EML4: variants seen among roughly 807,000 people sequenced by gnomAD.
The protein encoded by EML4 is echinoderm microtubule-associated protein-like 4.
Under a neutral mutation model 129.0 loss-of-function variants are expected in EML4, and 72 were observed. That is an observed-to-expected ratio of 0.56 (90% CI 0.46 to 0.68). The LOEUF (loss-of-function observed/expected upper bound fraction) is 0.68, where lower values mean the gene tolerates loss of function less well. Among genes scored for constraint, EML4 ranks in the 30% least tolerant of loss-of-function variants. The pLI is 0.00. For missense variants in EML4, 1,363 were observed against 1,190.6 expected, an observed-to-expected ratio of 1.14 and a Z score of -2.13; for synonymous variants, 532 against 405.0, an observed-to-expected ratio of 1.31 and a Z score of -3.77.
In EML4 at chr2:42,331,753, CCAAGGACATTTA is replaced by C. The variant is rs1412175073; in HGVS notation, c.*1550_*1561del. On this transcript the variant is annotated 3_prime_UTR_variant, in exon 23 of 23. Transcript: ENST00000318522. ...GTAATATGAAAACTCCAGTGAACTCCCAAGGACATTTACAACATTTATATTCACACGCTGTAT... is the reference window on the plus strand; with the variant it reads ...GTAATATGAAAACTCCAGTGAACTCCCAACATTTATATTCACACGCTGTAT... The C allele has an allele frequency of 4.5e-6, 1 of 221,050 alleles. No homozygotes were observed. Among genetic ancestry groups the C allele is most frequent in the Non-Finnish European group, 9.1e-6 (1 of 110,206 alleles). The allele number at this position is 221,050 out of a possible 1,614,324, so 13.7% of individuals were successfully genotyped here.
intron 1 of EML4, among the ~76,000 whole-genome samples, chr2:42,200,533 C>T (rs980681318): frequency 6.6e-6 from 1 of 152,092 alleles, no homozygotes; most frequent in East Asian, 1.9e-4. Context: ...ATGCTGATTT[C>T]TTATTTGCTG....
chr2:42,306,411 A>C lies in EML4; in HGVS notation c.1967+1860A>C, dbSNP rs75804632. On this transcript the variant is annotated intron_variant, in intron 17 of 22. Coordinates refer to ENST00000318522, the MANE Select transcript of EML4 (RefSeq NM_019063.5). ...TTTTGGCAGCTAAACAGATATCACA[A>C]ATGCTAAAGTCCTTGAAATAATAAA... Among the ~76,000 whole-genome samples the C allele has an allele frequency of 9.8e-4, 149 of 152,092 alleles. 2 individuals carry two copies. The East Asian group carries it at 0.024, about 25-fold the overall frequency.
intron 1 of EML4, among the ~76,000 whole-genome samples, chr2:42,196,504 C>T (rs1405936560): frequency 2.6e-5 from 4 of 152,148 alleles, no homozygotes; most frequent in Non-Finnish European, 4.4e-5. Flanking sequence ...AATTGAGAGT[C>T]AGCTGCAATC....
intron 9 of EML4, among the ~76,000 whole-genome samples, chr2:42,285,090 A>AAT (rs35105121): frequency 2.0e-5 from 3 of 151,698 alleles, no homozygotes; most frequent in African/African-American, 7.3e-5. Context: ...TTAATTAATT[A>AAT]TAGGGGTGGA....
At chr2:42,216,536 C>T (rs544475022) in intron 1 of EML4, among the ~76,000 whole-genome samples, 14 of 152,072 alleles carry the variant, frequency 9.2e-5, no homozygotes, top group South Asian at 6.2e-4. Flanking sequence ...CCACCAGGCC[C>T]GGCCCATTTC....
At position 42,245,621 on chromosome 2, in the gene EML4, G is replaced by A. The variant is rs199938681; in HGVS notation, c.142G>A (p.Val48Ile). The part of the protein sequence containing the change: ...ITVLKAALAD[V>I]LRRLAISEDH... ...TGTGCTAAAGGCGGCTTTGGCTGATGTTTTGAGGCGTCTTGCAATCTCTGA... is the reference window on the plus strand; with the variant it reads ...TGTGCTAAAGGCGGCTTTGGCTGATATTTTGAGGCGTCTTGCAATCTCTGA... Residue 48 changes from valine to isoleucine, a missense_variant, in exon 2 of 23, where the codon GTT becomes ATT. Coordinates refer to ENST00000318522, the MANE Select transcript of EML4 (RefSeq NM_019063.5). 1.7e-5 allele frequency: 28 copies of A among 1,613,758 alleles called. No homozygotes were observed. The highest frequency in any genetic ancestry group is 1.3e-4 in the East Asian group (6 of 44,842).
intron 1 of EML4, among the ~76,000 whole-genome samples, chr2:42,228,701 A>G (rs1485045753): frequency 6.6e-6 from 1 of 152,148 alleles, no homozygotes. Context: ...AAATTGACTG[A>G]CTTTCTGTGA....
At chr2:42,275,824 A>G (rs967811024) in intron 6 of EML4, among the ~76,000 whole-genome samples, 3 of 152,106 alleles carry the variant, frequency 2.0e-5, no homozygotes, top group African/African-American at 7.2e-5. Context: ...TGAATACCTC[A>G]TACTGTGTTT....
intron 13 of EML4, among the ~76,000 whole-genome samples, chr2:42,298,410 T>A (rs1398041703): frequency 6.6e-6 from 1 of 152,172 alleles, no homozygotes; most frequent in Non-Finnish European, 1.5e-5. Context: ...TTTTTTTAAT[T>A]CAAGGATAAT....
At chr2:42,268,702 C>T (rs556502685) in intron 6 of EML4, among the ~76,000 whole-genome samples, 29 of 152,250 alleles carry the variant, frequency 1.9e-4, no homozygotes, top group South Asian at 6.2e-4. Flanking sequence ...CCTCCCAAAG[C>T]GTTAGGATTA....
At chr2:42,234,312 G>A (rs1366184746) in intron 1 of EML4, among the ~76,000 whole-genome samples, 1 of 152,216 alleles carries the variant, frequency 6.6e-6, no homozygotes, top group Non-Finnish European at 1.5e-5. Context: ...AGAGAGCTGA[G>A]ATTTGCTTTG....
chr2:42,217,191 T>C (rs1182446519), intron 1 of EML4, among the ~76,000 whole-genome samples: 1 of 152,212 alleles, frequency 6.6e-6, no homozygotes, highest in Admixed American at 6.5e-5. Context: ...CATATGTATA[T>C]TTACTATGAA....
intron 19 of EML4, among the ~76,000 whole-genome samples, chr2:42,320,822 G>A (rs1669479240): frequency 6.6e-6 from 1 of 152,008 alleles, no homozygotes. Context: ...GTTACTCGAA[G>A]ATCTTAGCCC....
intron 1 of EML4, among the ~76,000 whole-genome samples, chr2:42,211,986 A>C (rs888898222): frequency 6.6e-6 from 1 of 152,146 alleles, no homozygotes; most frequent in Non-Finnish European, 1.5e-5. Flanking sequence ...CTAGGACTAC[A>C]GGTTCATGCC....
At chr2:42,305,256 T>A (rs1375172981) in intron 17 of EML4, among the ~76,000 whole-genome samples, 1 of 152,180 alleles carries the variant, frequency 6.6e-6, no homozygotes, top group East Asian at 1.9e-4. Context: ...ATAAAAATAA[T>A]AAACATTATC....
At chr2:42,215,560 A>T (rs940555573) in intron 1 of EML4, among the ~76,000 whole-genome samples, 1 of 152,148 alleles carries the variant, frequency 6.6e-6, no homozygotes, top group Non-Finnish European at 1.5e-5. Context: ...AAAAAAAAAA[A>T]ATTTTGCAGT....
chr2:42,315,896 A>G, intron 17 of EML4, 66 bp from the exon 18 acceptor site: 1 of 1,239,034 alleles, frequency 8.1e-7, no homozygotes, highest in Non-Finnish European at 1.2e-6. Flanking sequence ...AAAAAGAAAA[A>G]GAACAACTTT....
At chr2:42,225,466 A>G (rs1356253014) in intron 1 of EML4, among the ~76,000 whole-genome samples, 2 of 152,078 alleles carry the variant, frequency 1.3e-5, no homozygotes, top group Non-Finnish European at 2.9e-5. Flanking sequence ...TTTTTTGCCT[A>G]CTTCTGGATT....
intron 18 of EML4, among the ~76,000 whole-genome samples, chr2:42,317,033 A>G (rs1217509840): frequency 6.6e-6 from 1 of 152,206 alleles, no homozygotes; most frequent in African/African-American, 2.4e-5. Flanking sequence ...GAAGGACACC[A>G]CAAAAGAAAG....
Sources: allele counts gnomAD v4.1 joint callset (sites outside exome capture counted in the v4.1 genomes callset), GRCh38; gene constraint gnomAD v4.1.1; transcripts MANE v1.5; gene names NCBI Gene and HGNC (gene_info 2026-07-23, HGNC 2026-07-21).